The following ZFHX3 variants were observed in gnomAD, a reference collection of about 807,000 sequenced individuals.
ZFHX3 encodes zinc finger homeobox protein 3.
Under a neutral mutation model 279.1 loss-of-function variants are expected in ZFHX3, and 42 were observed. The observed-to-expected ratio is 0.15, with a 90% confidence interval of 0.12 to 0.19. The LOEUF (loss-of-function observed/expected upper bound fraction) is 0.19. Among genes scored for constraint, ZFHX3 ranks in the 10% least tolerant of loss-of-function variants. ZFHX3 has a pLI of 1.00. For missense variants in ZFHX3, 4,981 were observed against 4,754.0 expected (o/e 1.05, Z -1.40); for synonymous variants, 2,293 against 1,957.8 (o/e 1.17, Z -4.52).
chr16:73,331,118 A>AG (rs1004333465), intron 3 of ZFHX3, among the ~76,000 whole-genome samples: 53 of 152,322 alleles, frequency 3.5e-4, no homozygotes, highest in African/African-American at 5.8e-4. Flanking sequence ...TCATGGTGGA[A>AG]GGGGAAGCAA....
intron 2 of ZFHX3, among the ~76,000 whole-genome samples, chr16:73,576,709 C>CAAAAA (rs908927754): frequency 2.0e-5 from 3 of 151,666 alleles, no homozygotes; most frequent in Non-Finnish European, 4.4e-5. Context: ...AAAACAAAAA[C>CAAAAA]AAAAACAAAA....
chr16:73,472,748 T>C (rs2143606465), intron 2 of ZFHX3, among the ~76,000 whole-genome samples: 1 of 152,306 alleles, frequency 6.6e-6, no homozygotes, highest in East Asian at 1.9e-4. Flanking sequence ...AGCTCCTTCC[T>C]GCCTCACCAT....
At chr16:73,028,134 T>C (rs917836605) in intron 1 of ZFHX3, among the ~76,000 whole-genome samples, 1 of 152,132 alleles carries the variant, frequency 6.6e-6, no homozygotes, top group African/African-American at 2.4e-5. Flanking sequence ...CTCCTTTTTT[T>C]GGGGGAGTGT....
At chr16:73,031,727 G>A (rs1248797458) in intron 1 of ZFHX3, among the ~76,000 whole-genome samples, 1 of 152,158 alleles carries the variant, frequency 6.6e-6, no homozygotes, top group African/African-American at 2.4e-5. Context: ...CAGAACGCGG[G>A]CGTGCAGGGC....
intron 2 of ZFHX3, among the ~76,000 whole-genome samples, chr16:73,619,745 T>G (rs1386304169): frequency 6.6e-6 from 1 of 151,848 alleles, no homozygotes; most frequent in Non-Finnish European, 1.5e-5. Flanking sequence ...CCTACCCCAT[T>G]TCCTGCCTAC....
intron 8 of ZFHX3, among the ~76,000 whole-genome samples, chr16:73,065,566 GGTGTGTGTGTGTGTGT>G (rs10540025): frequency 3.5e-3 from 508 of 144,684 alleles, no homozygotes; most frequent in African/African-American, 0.011. Context: ...AGCTTTTCCT[GGTGTGTGTGTGTGTGT>G]GTGTGTGTGT....
chr16:73,253,554 C>G (rs2013574797), intron 5 of ZFHX3, among the ~76,000 whole-genome samples: 1 of 151,704 alleles, frequency 6.6e-6, no homozygotes, highest in Non-Finnish European at 1.5e-5. Context: ...CAGGTTCACG[C>G]CATTCTCCTG....
intron 7 of ZFHX3, among the ~76,000 whole-genome samples, chr16:73,105,915 C>G (rs1208924698): frequency 1.3e-5 from 2 of 149,008 alleles, no homozygotes; most frequent in Non-Finnish European, 3.0e-5. Flanking sequence ...CTCCCACTCC[C>G]TATATGTACA....
intron 1 of ZFHX3, among the ~76,000 whole-genome samples, chr16:72,978,558 A>G (rs1206705169): frequency 6.6e-6 from 1 of 152,060 alleles, no homozygotes; most frequent in African/African-American, 2.4e-5. Context: ...TGCCCAGAGG[A>G]TTGGAAGTGC....
chr16:73,259,423 T>C (rs1013869769), intron 4 of ZFHX3, among the ~76,000 whole-genome samples: 25 of 152,366 alleles, frequency 1.6e-4, no homozygotes, highest in African/African-American at 6.0e-4. Flanking sequence ...CAAAAGCCTA[T>C]GTTCTTAACC....
intron 2 of ZFHX3, among the ~76,000 whole-genome samples, chr16:73,537,588 T>G (rs2019928202): frequency 6.6e-6 from 1 of 152,210 alleles, no homozygotes. Context: ...AGTGCTGGGA[T>G]TACAGATCAC....
intron 3 of ZFHX3, among the ~76,000 whole-genome samples, chr16:73,325,969 G>T (rs980603316): frequency 6.7e-6 from 1 of 148,642 alleles, no homozygotes; most frequent in Non-Finnish European, 1.5e-5. Context: ...GTATACTGAG[G>T]AGGTCAGCTG....
intron 4 of ZFHX3, among the ~76,000 whole-genome samples, chr16:72,849,177 T>G (rs374882082): frequency 8.5e-5 from 13 of 152,050 alleles, no homozygotes; most frequent in African/African-American, 2.2e-4. Flanking sequence ...TGACGGAGAG[T>G]GTCCCTGGGG....
chr16:73,623,359 C>T (rs2052385722), intron 2 of ZFHX3, among the ~76,000 whole-genome samples: 1 of 152,126 alleles, frequency 6.6e-6, no homozygotes. Context: ...TTTTGAAGTG[C>T]AACATATTTT....
intron 1 of ZFHX3, among the ~76,000 whole-genome samples, chr16:73,818,144 T>A (rs1231577750): frequency 6.6e-6 from 1 of 152,200 alleles, no homozygotes; most frequent in East Asian, 1.9e-4. Flanking sequence ...TCTTTGCAGA[T>A]CTGGGGGATG....
At chr16:72,804,571 T>C (rs2036206339) in intron 7 of ZFHX3, among the ~76,000 whole-genome samples, 1 of 152,206 alleles carries the variant, frequency 6.6e-6, no homozygotes, top group Admixed American at 6.5e-5. Flanking sequence ...AAGCTCTTCC[T>C]AGTTTGGTTC....
chr16:73,795,392 T>C (rs1959960881), intron 1 of ZFHX3, among the ~76,000 whole-genome samples: 1 of 152,136 alleles, frequency 6.6e-6, no homozygotes, highest in Non-Finnish European at 1.5e-5. Context: ...GGCCAAGACC[T>C]GAGAGGCACA....
chr16:72,956,923 A>T (rs1961278119), intron 2 of ZFHX3, among the ~76,000 whole-genome samples: 1 of 152,188 alleles, frequency 6.6e-6, no homozygotes, highest in East Asian at 1.9e-4. Flanking sequence ...TCGGCACAGA[A>T]TCAGCCTTTA....
At position 72,811,731 on chromosome 16, in the gene ZFHX3, C is replaced by A. The variant is rs199733661; in HGVS notation, c.3710G>T (p.Arg1237Leu). Residue 1237 changes from arginine to leucine, a missense_variant, in exon 7 of 10, where the codon CGG becomes CTG. By Grantham distance (102) the Arg-to-Leu change is moderately radical. This residue lies in a region of ZFHX3 where 1,751 missense variants were observed against 1,770.0 expected (regional missense o/e 0.99). Coordinates refer to ENST00000268489, the MANE Select transcript of ZFHX3 (RefSeq NM_006885.4). ...CTGCGTCATGGCATGCACCCGGAGC[C>A]GGTTGACATCGGCATTACTGTACTT... ...YCKYSNADVN[R>L]LRVHAMTQHS... 6.2e-7 allele frequency: 1 copy of A among 1,614,054 alleles called. No individual in the cohort carries two copies. The highest frequency in any genetic ancestry group is 1.1e-5 in the South Asian group (1 of 91,078).
Sources: allele counts gnomAD v4.1 joint callset (sites outside exome capture counted in the v4.1 genomes callset), GRCh38; gene constraint gnomAD v4.1.1; regional missense constraint gnomAD v4.1.1; transcripts MANE v1.5; gene names NCBI Gene and HGNC (gene_info 2026-07-23, HGNC 2026-07-21).